The following CHM variants were observed in gnomAD, a reference collection of about 807,000 sequenced individuals.
The protein encoded by CHM is CHM Rab escort protein.
In CHM, 10 loss-of-function variants were observed where a neutral mutation model predicts 49.0. The observed-to-expected ratio is 0.20, with a 90% confidence interval of 0.13 to 0.35. The LOEUF (loss-of-function observed/expected upper bound fraction) is 0.35. Among genes scored for constraint, CHM ranks in the 10% least tolerant of loss-of-function variants. The probability of loss-of-function intolerance (pLI) is 1.00; values close to 1 mark genes in which losing one functional copy is unlikely to be tolerated. For missense variants in CHM, 455 were observed against 478.4 expected (o/e 0.95, Z 0.46); for synonymous variants, 184 against 167.5 (o/e 1.10, Z -0.76).
At chrX:86,014,044 T>C (rs920661372) in intron 2 of CHM, among the ~76,000 whole-genome samples, 2 of 112,006 alleles carry the variant, frequency 1.8e-5, no homozygotes, top group African/African-American at 6.5e-5. Flanking sequence ...CCAATAAGAT[T>C]TTACTTACAA....
intron 12 of CHM, among the ~76,000 whole-genome samples, chrX:85,882,531 T>C (rs1161608429): frequency 1.8e-5 from 2 of 112,028 alleles, no homozygotes; most frequent in African/African-American, 6.5e-5. Context: ...ATTTAGCAAC[T>C]GCTTAAAGGC....
chrX:85,896,605 G>T (rs1312179406), intron 11 of CHM, among the ~76,000 whole-genome samples: 1 of 108,787 alleles, frequency 9.2e-6, no homozygotes, highest in Non-Finnish European at 1.9e-5. Context: ...CAAGATTTAT[G>T]CAGAATTGAT....
intron 5 of CHM, among the ~76,000 whole-genome samples, chrX:85,960,419 A>G (rs1930232345): frequency 9.4e-6 from 1 of 106,184 alleles, no homozygotes; most frequent in Admixed American, 1.0e-4. Flanking sequence ...TCAGAATCTA[A>G]GCCTCTTTTT....
chrX:85,910,505 G>T (rs1166848069), intron 9 of CHM, among the ~76,000 whole-genome samples: 1 of 111,238 alleles, frequency 9.0e-6, no homozygotes, highest in East Asian at 2.8e-4. Flanking sequence ...AGAAATCAAA[G>T]AATATTTTAT....
chrX:85,971,064 C>T (rs1930871544), intron 4 of CHM: 1 of 608,954 alleles, frequency 1.6e-6, no homozygotes, highest in Admixed American at 9.0e-5. Flanking sequence ...AATAACTATC[C>T]TATATATTTA....
chrX:85,897,314 T>C lies in CHM; in HGVS notation c.1414-3030A>G, dbSNP rs1349892308. ...GAAAATGCTTGTGTGTGCGTGTGTG[T>C]GTGTGTGTGTGTGTGTGTGTGTGTG... On this transcript the variant is annotated intron_variant, in intron 11 of 14. Transcript: ENST00000357749. Among the ~76,000 whole-genome samples, 7 of 99,832 alleles carry C rather than the reference T, an allele frequency of 7.0e-5. No individual in the cohort carries two copies. In the East Asian group the frequency reaches 2.1e-3, roughly 30 times the overall value. 86.7% of individuals were successfully genotyped at this position (99,832 alleles called of 115,157 possible). A position where few individuals can be genotyped will look rare whatever the true frequency, so the allele number is the denominator to read the frequency against.
intron 4 of CHM, among the ~76,000 whole-genome samples, chrX:85,964,487 C>T (rs1930473079): frequency 1.8e-5 from 2 of 110,942 alleles, no homozygotes; most frequent in Admixed American, 1.9e-4. Context: ...ATACCACCTA[C>T]CACAAGGTTG....
chrX:85,965,456 T>C (rs1405120301), intron 4 of CHM, among the ~76,000 whole-genome samples: 1 of 111,461 alleles, frequency 9.0e-6, no homozygotes, highest in Non-Finnish European at 1.9e-5. Flanking sequence ...CTTGAGGGAA[T>C]ACCTTAGCAC....
At chrX:86,002,027 G>A (rs1932750633) in intron 2 of CHM, among the ~76,000 whole-genome samples, 2 of 111,226 alleles carry the variant, frequency 1.8e-5, no homozygotes, top group Non-Finnish European at 3.8e-5. Context: ...GGTGGATATA[G>A]ACATATGGCA....
chrX:85,899,691 C>CA lies in CHM; in HGVS notation c.1413+954dup, dbSNP rs1556255768. Among the ~76,000 whole-genome samples, 341 of 73,999 alleles carry CA rather than the reference C, an allele frequency of 4.6e-3. 1 individual carries two copies. The highest frequency in any genetic ancestry group is 0.016 in the African/African-American group (312 of 19,105). The allele number at this position is 73,999 out of a possible 115,157, so 64.3% of individuals were successfully genotyped here. On this transcript the variant is annotated intron_variant, in intron 11 of 14. Transcript: ENST00000357749. ...AATGCTCTAAACCCACCCCCCGCCC[C>CA]AAAAAAACCCCTAAAATCCAAGCAC...
At chrX:86,010,207 TG>T (rs1187243570) in intron 2 of CHM, among the ~76,000 whole-genome samples, 6 of 7,046 alleles carry the variant, frequency 8.5e-4, no homozygotes, top group Admixed American at 1.9e-3. Context: ...GGTAGGGGGG[TG>T]GGGGGGGCTG....
chrX:85,950,025 A>G (rs1167466410), intron 8 of CHM, among the ~76,000 whole-genome samples: 9 of 86,443 alleles, frequency 1.0e-4, no homozygotes, highest in African/African-American at 3.8e-4. Context: ...TAATGGTATC[A>G]CTATGTGGAG....
intron 11 of CHM, among the ~76,000 whole-genome samples, chrX:85,899,924 G>A (rs1926148654): frequency 1.8e-5 from 2 of 110,588 alleles, no homozygotes; most frequent in East Asian, 2.8e-4. Flanking sequence ...GTGTTGATGA[G>A]GATACAGAAA....
At chrX:85,941,012 T>C (rs780765383) in intron 8 of CHM, among the ~76,000 whole-genome samples, 28 of 111,848 alleles carry the variant, frequency 2.5e-4, no homozygotes, top group Admixed American at 1.2e-3. Context: ...CTTCTTGACA[T>C]TGATATCAAG....
Position 85,901,193 on chromosome X carries a change from AAAG to A in CHM, c.1245-8_1245-6del, listed in dbSNP as rs766694606. The A allele has an allele frequency of 7.7e-4, 833 of 1,076,588 alleles. 1 individual carries two copies. The highest frequency in any genetic ancestry group is 2.0e-3 in the South Asian group (97 of 48,871). 88.7% of individuals were successfully genotyped at this position (1,076,588 alleles called of 1,213,427 possible). A position where few individuals can be genotyped will look rare whatever the true frequency, so the allele number is the denominator to read the frequency against. On this transcript the variant is annotated splice_region_variant and splice_polypyrimidine_tract_variant and intron_variant, in intron 9 of 14. Coordinates refer to ENST00000357749, the MANE Select transcript of CHM (RefSeq NM_000390.4). ...TGATCTATAATTGCTTTACATCTAT[AAAG>A]AAGATAAGCATACCATAAAAGTTCA...
Position 86,027,541 on chromosome X carries a change from G to A in CHM, c.66C>T (p.Ile22=). Residue 22 remains isoleucine, a synonymous_variant, in exon 2 of 15, where the codon ATC becomes ATT. Coordinates refer to ENST00000357749, the MANE Select transcript of CHM (RefSeq NM_000390.4). ...CACTTCTTGAACATGCAGCTGCAAT[G>A]ATGGATTCAGGCAAACCTACAAAAA... The part of the protein sequence containing the change: ...IVIGTGLPES[I]IAAACSRSGR... 1.7e-6 allele frequency: 2 copies of A among 1,207,676 alleles called. No individual in the cohort carries two copies. Among genetic ancestry groups the A allele is most frequent in the Non-Finnish European group, 2.2e-6 (2 of 892,003 alleles).
At chrX:86,029,441 C>T (rs762503076) in intron 1 of CHM, among the ~76,000 whole-genome samples, 32 of 111,606 alleles carry the variant, frequency 2.9e-4, no homozygotes, top group Admixed American at 8.6e-4. Flanking sequence ...AAGATTAATG[C>T]TCTTATGTGT....
At chrX:85,993,181 T>C (rs749236363) in intron 2 of CHM, among the ~76,000 whole-genome samples, 4 of 111,383 alleles carry the variant, frequency 3.6e-5, no homozygotes, top group Non-Finnish European at 5.7e-5. Context: ...GACACCTCCT[T>C]TCACTAAAAG....
intron 2 of CHM, among the ~76,000 whole-genome samples, chrX:86,013,733 C>CAAAAAAAAAAAAAA (rs61357908): frequency 5.1e-5 from 4 of 78,459 alleles, no homozygotes; most frequent in Non-Finnish European, 1.0e-4. Flanking sequence ...GACTTCGTCT[C>CAAAAAAAAAAAAAA]AAAAAAAAAA....
Sources: gnomAD v4.1 joint callset for allele counts (sites outside exome capture counted in the v4.1 genomes callset) on GRCh38, gnomAD v4.1.1 for gene constraint, MANE v1.5 for transcripts, NCBI Gene and HGNC (gene_info 2026-07-23, HGNC 2026-07-21) for gene names.